OCA2: variants seen among roughly 807,000 people sequenced by gnomAD.
OCA2 encodes OCA2 melanosomal transmembrane protein.
OCA2 carries 77 observed loss-of-function variants against 100.2 expected under a neutral mutation model. The ratio of observed to expected loss-of-function variants is 0.77; its 90% CI spans 0.64 to 0.93. The LOEUF (loss-of-function observed/expected upper bound fraction) is 0.93. Ranked by LOEUF, OCA2 falls within the 40% of genes least tolerant of loss-of-function variation. OCA2 has a pLI of 0.00. For missense variants in OCA2, 1,062 were observed against 1,089.1 expected, an observed-to-expected ratio of 0.98 and a Z score of 0.35; for synonymous variants, 432 against 439.2, an observed-to-expected ratio of 0.98 and a Z score of 0.21.
At chr15:28,055,484 G>A (rs781404074) in intron 2 of OCA2, among the ~76,000 whole-genome samples, 3 of 152,224 alleles carry the variant, frequency 2.0e-5, no homozygotes, top group Non-Finnish European at 2.9e-5. Context: ...TTTGGGCAGA[G>A]TTGGCCTTTC....
chr15:27,874,344 C>A (rs1457782935), intron 19 of OCA2, among the ~76,000 whole-genome samples: 1 of 152,174 alleles, frequency 6.6e-6, no homozygotes, highest in Admixed American at 6.5e-5. Context: ...GTGTGAACAC[C>A]TGTGAGGGTT....
At chr15:27,978,442 C>T (rs2041038129) in intron 14 of OCA2, among the ~76,000 whole-genome samples, 1 of 152,146 alleles carries the variant, frequency 6.6e-6, no homozygotes, top group Non-Finnish European at 1.5e-5. Context: ...GCAGTACTAT[C>T]AAGTTTCACA....
rs540574634 is a variant in OCA2, at chr15:27,914,565, A to G, written c.2079+11562T>C. On this transcript the variant is annotated intron_variant, in intron 19 of 23. Transcript: ENST00000354638. ...AAATCAGGAGCATTTTCAAACACCA[A>G]CAACATTCAAGCTGAGAGCCAAATC... Among the ~76,000 whole-genome samples the G allele has an allele frequency of 4.6e-5, 7 of 152,302 alleles. No homozygotes were observed. The East Asian group carries it at 1.4e-3, about 29-fold the overall frequency.
chr15:27,982,169 C>T (rs2041187696), intron 14 of OCA2, among the ~76,000 whole-genome samples: 1 of 152,152 alleles, frequency 6.6e-6, no homozygotes, highest in African/African-American at 2.4e-5. Flanking sequence ...TCATCTATAT[C>T]CACATACAAA....
At chr15:28,014,296 C>G (rs988576579) in intron 9 of OCA2, among the ~76,000 whole-genome samples, 1 of 152,148 alleles carries the variant, frequency 6.6e-6, no homozygotes, top group African/African-American at 2.4e-5. Context: ...TGTGGAAATG[C>G]CCATAAGCCA....
intron 19 of OCA2, chr15:27,895,917 A>C: frequency 1.6e-6 from 1 of 632,192 alleles, no homozygotes; most frequent in Non-Finnish European, 2.9e-6. Flanking sequence ...ACAGAAGGGG[A>C]TATGATAGTA....
At chr15:28,068,266 C>T (rs538324137) in intron 2 of OCA2, among the ~76,000 whole-genome samples, 12 of 152,142 alleles carry the variant, frequency 7.9e-5, no homozygotes, top group East Asian at 1.9e-4. Context: ...TCAGAAATGA[C>T]GAAGATGACA....
Position 28,048,704 on chromosome 15 carries a change from C to T in OCA2, c.228-16541G>A, listed in dbSNP as rs554247730. Among the ~76,000 whole-genome samples, 12 of 152,154 alleles carry T rather than the reference C, an allele frequency of 7.9e-5. No individual in the cohort carries two copies. The East Asian group carries it at 9.7e-4, about 12-fold the overall frequency. On this transcript the variant is annotated intron_variant, in intron 2 of 23. Transcript: ENST00000354638. ...GCTTCATCAAAATTAAAATCCTTTG[C>T]GCTTCAAAAGACATTTCAGGGCCGG...
chr15:27,808,785 G>A (rs572592922), intron 23 of OCA2, among the ~76,000 whole-genome samples: 6 of 152,306 alleles, frequency 3.9e-5, no homozygotes, highest in East Asian at 3.9e-4. Context: ...GAGGAACAGC[G>A]AGGAGGAGCT....
chr15:27,949,203 CTA>C (rs1249460396), intron 18 of OCA2, among the ~76,000 whole-genome samples: 4 of 152,210 alleles, frequency 2.6e-5, no homozygotes, highest in Non-Finnish European at 5.9e-5. Context: ...TGACAGCACC[CTA>C]TGTTATATGA....
At chr15:27,777,085 C>T (rs2032279200) in intron 23 of OCA2, among the ~76,000 whole-genome samples, 1 of 152,042 alleles carries the variant, frequency 6.6e-6, no homozygotes, top group African/African-American at 2.4e-5. Flanking sequence ...CCTTTCTGCT[C>T]CACACCCTAG....
intron 14 of OCA2, 25 bp downstream of exon 14, chr15:27,983,320 G>A (rs1265437686): frequency 6.2e-7 from 1 of 1,613,902 alleles, no homozygotes; most frequent in Non-Finnish European, 8.5e-7. Flanking sequence ...TTTACTGGAA[G>A]CAACCCTAGC....
chr15:27,766,851 G>A (rs1227950695), intron 23 of OCA2, among the ~76,000 whole-genome samples: 1 of 152,200 alleles, frequency 6.6e-6, no homozygotes, highest in Non-Finnish European at 1.5e-5. Context: ...GAGGTTGCTA[G>A]GTGGAGGGCG....
At position 27,961,412 on chromosome 15, in the gene OCA2, C is replaced by G. The variant is rs541714993; in HGVS notation, c.1637-3677G>C. On this transcript the variant is annotated intron_variant, in intron 15 of 23. Coordinates refer to ENST00000354638, the MANE Select transcript of OCA2 (RefSeq NM_000275.3). ...GTGGCGGTTCCTCAAGGATCTAGAA[C>G]CAGAAATACCATTTGACCCAGCAAT... Among the ~76,000 whole-genome samples, 11 of 152,236 alleles carry G rather than the reference C, an allele frequency of 7.2e-5. No individual in the cohort carries two copies. The South Asian group carries it at 1.2e-3, about 17-fold the overall frequency.
At chr15:27,861,488 G>A (rs558958992) in intron 21 of OCA2, among the ~76,000 whole-genome samples, 11 of 152,184 alleles carry the variant, frequency 7.2e-5, no homozygotes, top group Admixed American at 2.6e-4. Flanking sequence ...GGTCAGAGCT[G>A]ATTCCAGGGT....
chr15:27,860,968 A>C (rs2036108771), intron 21 of OCA2, among the ~76,000 whole-genome samples: 1 of 152,194 alleles, frequency 6.6e-6, no homozygotes, highest in Admixed American at 6.5e-5. Context: ...GGCTATACCA[A>C]AGCAGGGAGC....
chr15:28,094,742 G>A (rs2044938325), intron 1 of OCA2, among the ~76,000 whole-genome samples: 1 of 152,174 alleles, frequency 6.6e-6, no homozygotes, highest in East Asian at 2.0e-4. Context: ...CCCTCCTGCC[G>A]CCCCTGCTGC....
chr15:28,024,334 T>C (rs979003508), intron 5 of OCA2, among the ~76,000 whole-genome samples: 2 of 152,202 alleles, frequency 1.3e-5, no homozygotes, highest in African/African-American at 2.4e-5. Context: ...TGAATGTTCA[T>C]GTATTTGAAA....
the OCA2 span, among the ~76,000 whole-genome samples, chr15:27,721,332 C>T: frequency 6.6e-6 from 1 of 152,094 alleles, no homozygotes; most frequent in Non-Finnish European, 1.5e-5. Flanking sequence ...TGTGTCACTG[C>T]ATTTCAACCT....
Sources: gnomAD v4.1 joint callset for allele counts (sites outside exome capture counted in the v4.1 genomes callset) on GRCh38, gnomAD v4.1.1 for gene constraint, MANE v1.5 for transcripts, NCBI Gene and HGNC (gene_info 2026-07-23, HGNC 2026-07-21) for gene names.